The following TNR variants were observed in gnomAD, a reference collection of about 807,000 sequenced individuals.
TNR encodes tenascin-R.
Under a neutral mutation model 150.4 loss-of-function variants are expected in TNR, and 45 were observed. The ratio of observed to expected loss-of-function variants is 0.30; its 90% confidence interval spans 0.24 to 0.38. TNR has a LOEUF of 0.38. TNR is among the 10% of genes least tolerant of loss of function. The pLI is 1.00. For synonymous variants in TNR, 687 were observed against 678.4 expected (o/e 1.01, Z -0.20); for missense variants, 1,544 against 1,759.1 (o/e 0.88, Z 2.19).
At chr1:175,550,089 T>A (rs1311265444) in intron 1 of TNR, among the ~76,000 whole-genome samples, 1 of 152,124 alleles carries the variant, frequency 6.6e-6, no homozygotes, top group East Asian at 1.9e-4. Context: ...GCCAACAAAT[T>A]TTGCAAGATG....
intron 1 of TNR, among the ~76,000 whole-genome samples, chr1:175,662,492 A>G (rs1665408785): frequency 6.6e-6 from 1 of 152,184 alleles, no homozygotes; most frequent in South Asian, 2.1e-4. Context: ...GGCCCCAGCC[A>G]GGCCTAATGC....
Position 175,650,264 on chromosome 1 carries a change from T to G in TNR, c.-165+92962A>C, listed in dbSNP as rs1664919943. Reference sequence around the variant, plus strand: ...TGAGTGTGGTGGAGCATGCCTGTAATTCCAGCTACTTGGGAGGCTGAGGCA... The same window carrying G: ...TGAGTGTGGTGGAGCATGCCTGTAAGTCCAGCTACTTGGGAGGCTGAGGCA... On this transcript the variant is annotated intron_variant, in intron 1 of 22. Coordinates refer to ENST00000367674, the MANE Select transcript of TNR (RefSeq NM_003285.3). 2.0e-5 allele frequency among the ~76,000 whole-genome samples: 3 copies of G among 152,224 alleles called. No individual in the cohort carries two copies. In the South Asian group the frequency reaches 6.2e-4, roughly 32 times the overall value.
At chr1:175,496,674 A>G (rs539749951) in intron 2 of TNR, among the ~76,000 whole-genome samples, 2 of 152,336 alleles carry the variant, frequency 1.3e-5, no homozygotes, top group South Asian at 4.1e-4. Context: ...TCATTTTATA[A>G]ACAAGAAACT....
chr1:175,706,177 G>A (rs993696958), intron 1 of TNR, among the ~76,000 whole-genome samples: 1 of 152,144 alleles, frequency 6.6e-6, no homozygotes, highest in Non-Finnish European at 1.5e-5. Flanking sequence ...TAAAGTCCAC[G>A]TATCAGAGAT....
chr1:175,430,009 A>G (rs1655190829), intron 2 of TNR, among the ~76,000 whole-genome samples: 1 of 151,364 alleles, frequency 6.6e-6, no homozygotes, highest in Non-Finnish European at 1.5e-5. Context: ...TATGTATGTG[A>G]GATACAGCCT....
At chr1:175,445,359 A>G (rs1656003014) in intron 2 of TNR, among the ~76,000 whole-genome samples, 1 of 152,240 alleles carries the variant, frequency 6.6e-6, no homozygotes, top group Non-Finnish European at 1.5e-5. Context: ...TTGTAAGCCA[A>G]ACAAAGGAAT....
At chr1:175,559,114 C>A (rs1476328289) in intron 1 of TNR, among the ~76,000 whole-genome samples, 1 of 152,114 alleles carries the variant, frequency 6.6e-6, no homozygotes, top group Non-Finnish European at 1.5e-5. Flanking sequence ...AAAAAAATTT[C>A]ACTATACAAA....
At chr1:175,727,044 T>G (rs1419703402) in intron 1 of TNR, among the ~76,000 whole-genome samples, 5 of 152,178 alleles carry the variant, frequency 3.3e-5, no homozygotes, top group Non-Finnish European at 5.9e-5. Context: ...TGCCTACTCC[T>G]TGATGACTCC....
intron 14 of TNR, among the ~76,000 whole-genome samples, chr1:175,362,328 C>T (rs1185954896): frequency 6.6e-6 from 1 of 152,206 alleles, no homozygotes; most frequent in Non-Finnish European, 1.5e-5. Flanking sequence ...GAAATTTTCT[C>T]ATCTGAGTCT....
At chr1:175,393,970 T>C in intron 5 of TNR, 75 bp from the exon 6 acceptor site, 1 of 1,189,962 alleles carries the variant, frequency 8.4e-7, no homozygotes. Context: ...TGCTTTGTCT[T>C]GGTGAACTCC....
At chr1:175,613,681 G>T (rs1403529151) in intron 1 of TNR, among the ~76,000 whole-genome samples, 5 of 152,016 alleles carry the variant, frequency 3.3e-5, no homozygotes, top group Non-Finnish European at 5.9e-5. Context: ...CCTCCACTTT[G>T]GCCAGTGGAC....
intron 2 of TNR, among the ~76,000 whole-genome samples, chr1:175,433,460 C>G (rs538919079): frequency 6.6e-6 from 1 of 152,198 alleles, no homozygotes; most frequent in African/African-American, 2.4e-5. Flanking sequence ...AAACCCTTCA[C>G]AGAAACAACA....
rs1051625319 is a variant in TNR at position 175,317,951 on chromosome 1, C to T, written c.*5406G>A. 3.3e-5 allele frequency: 5 copies of T among 152,122 alleles called. No homozygotes were observed. The highest frequency in any genetic ancestry group is 7.3e-5 in the Non-Finnish European group (5 of 68,046). The allele number at this position is 152,122 out of a possible 1,614,324, so 9.4% of individuals were successfully genotyped here. A position where few individuals can be genotyped will look rare whatever the true frequency, so the allele number is the denominator to read the frequency against. ...GTGAGGTTTGCCAAGGACATTTGGA[C>T]AATGAAGTGCTGCAGGTGCAATGAA... On this transcript the variant is annotated 3_prime_UTR_variant, in exon 23 of 23. Coordinates refer to ENST00000367674, the MANE Select transcript of TNR (RefSeq NM_003285.3).
At chr1:175,391,507 A>G (rs1488118765) in intron 6 of TNR, 69 bp from the exon 7 acceptor site, 14 of 1,527,240 alleles carry the variant, frequency 9.2e-6, no homozygotes, top group Non-Finnish European at 1.1e-5. Context: ...TGAGAGAAAG[A>G]TAAAGGTGTG....
chr1:175,540,649 C>T (rs1025855835), intron 1 of TNR, among the ~76,000 whole-genome samples: 23 of 152,052 alleles, frequency 1.5e-4, no homozygotes, highest in African/African-American at 4.8e-4. Flanking sequence ...CACTTTTTTT[C>T]CTTTACCATC....
In TNR at chr1:175,438,774, A is replaced by C. The variant is rs577625272; in HGVS notation, c.-63-31997T>G. On this transcript the variant is annotated intron_variant, in intron 2 of 22. Transcript: ENST00000367674. ...AATCATGAGTGAACTCCCATTCACA[A>C]TTGCTACAAAGAGAATAAAATACCT... Among the ~76,000 whole-genome samples, 56 of 152,346 alleles carry C rather than the reference A, an allele frequency of 3.7e-4. No homozygotes were observed. The South Asian group carries it at 0.011, about 31-fold the overall frequency.
intron 2 of TNR, among the ~76,000 whole-genome samples, chr1:175,432,931 T>A: frequency 6.6e-6 from 1 of 152,186 alleles, no homozygotes; most frequent in Non-Finnish European, 1.5e-5. Flanking sequence ...AAGTTGATTA[T>A]AATGTGGGAC....
At chr1:175,503,708 A>G (rs1273935391) in intron 2 of TNR, among the ~76,000 whole-genome samples, 1 of 152,180 alleles carries the variant, frequency 6.6e-6, no homozygotes, top group East Asian at 1.9e-4. Context: ...CCATTCACGG[A>G]GCCGTGGAAT....
At chr1:175,435,660 C>T (rs1239527799) in intron 2 of TNR, among the ~76,000 whole-genome samples, 1 of 152,172 alleles carries the variant, frequency 6.6e-6, no homozygotes, top group Admixed American at 6.5e-5. Context: ...CCCTGTGACA[C>T]ATCAGCATTT....
Sources: allele counts gnomAD v4.1 joint callset (sites outside exome capture counted in the v4.1 genomes callset), GRCh38; gene constraint gnomAD v4.1.1; transcripts MANE v1.5; gene names NCBI Gene and HGNC (gene_info 2026-07-23, HGNC 2026-07-21).